The following GYG1 variants were observed in gnomAD, a reference collection of about 807,000 sequenced individuals.
GYG1 encodes the protein glycogenin-1.
Under a neutral mutation model 41.9 loss-of-function variants are expected in GYG1, and 44 were observed. That is an observed-to-expected ratio of 1.05 (90% CI 0.83 to 1.35). The LOEUF (loss-of-function observed/expected upper bound fraction) is 1.35. Ranked by LOEUF, GYG1 falls within the 40% of genes most tolerant of loss-of-function variation. GYG1 has a pLI of 0.00. For missense variants in GYG1, 429 were observed against 418.9 expected (o/e 1.02, Z -0.21); for synonymous variants, 141 against 158.1 (o/e 0.89, Z 0.81).
intron 2 of GYG1, among the ~76,000 whole-genome samples, chr3:148,994,979 C>G (rs1222210412): frequency 2.0e-5 from 3 of 152,130 alleles, no homozygotes; most frequent in African/African-American, 7.2e-5. Flanking sequence ...TCAAGAGTTC[C>G]AGACCAGCCT....
At chr3:149,007,485 G>A (rs768029574) in intron 4 of GYG1, among the ~76,000 whole-genome samples, 8 of 152,192 alleles carry the variant, frequency 5.3e-5, no homozygotes, top group Non-Finnish European at 1.2e-4. Context: ...ATAAGTGAAC[G>A]CCTTTGATTC....
chr3:149,012,649 GAAAC>G (rs752101106), intron 5 of GYG1, among the ~76,000 whole-genome samples: 19 of 151,700 alleles, frequency 1.3e-4, no homozygotes, highest in Non-Finnish European at 1.5e-4. Context: ...AAAGATAAAG[GAAAC>G]AAACTAATAG....
rs1713129430 is a variant in GYG1, at chr3:149,002,235, C to T, written c.481+5331C>T. Among the ~76,000 whole-genome samples, 3 of 152,138 alleles carry T rather than the reference C, an allele frequency of 2.0e-5. No homozygotes were observed. In the South Asian group the frequency reaches 6.2e-4, roughly 32 times the overall value. ...ACTGGTAAATAATACAGATTTTATT[C>T]CTGCCTCTATAAAGTTTATATTCTG... On this transcript the variant is annotated intron_variant, in intron 4 of 7. Coordinates refer to ENST00000345003, the MANE Select transcript of GYG1 (RefSeq NM_004130.4).
chr3:148,996,219 T>C, intron 2 of GYG1, 83 bp from the exon 3 acceptor site: 1 of 927,430 alleles, frequency 1.1e-6, no homozygotes, highest in Non-Finnish European at 1.8e-6. Context: ...ATGGAGAAGG[T>C]AATAAAGCAT....
chr3:149,029,799 G>C lies in GYG1; in HGVS notation c.*2866G>C, dbSNP rs1714856933. On this transcript the variant is annotated 3_prime_UTR_variant, in exon 8 of 8. Coordinates refer to ENST00000345003, the MANE Select transcript of GYG1 (RefSeq NM_004130.4). ...TCCAATTCTAGAGCTGTAATTTTAA[G>C]GACAAAATGTACAATGATTGATTAA... is the stretch of plus-strand genomic sequence containing the variant. 6.6e-6 allele frequency among the ~76,000 whole-genome samples: 1 copy of C among 152,150 alleles called. No individual in the cohort carries two copies. Among genetic ancestry groups the C allele is most frequent in the Non-Finnish European group, 1.5e-5 (1 of 68,022 alleles).
intron 2 of GYG1, among the ~76,000 whole-genome samples, 177 bp downstream of exon 2, chr3:148,994,454 G>A (rs901360842): frequency 1.5e-4 from 23 of 152,220 alleles, no homozygotes; most frequent in Non-Finnish European, 2.9e-4. Flanking sequence ...GCTTTTGGGA[G>A]ATATTCCAAC....
At chr3:148,996,589 A>G (rs1712805400) in intron 3 of GYG1, 113 bp downstream of exon 3, 18 of 1,210,204 alleles carry the variant, frequency 1.5e-5, no homozygotes, top group Non-Finnish European at 2.2e-5. Flanking sequence ...AGATAGAACC[A>G]CTGTCATGAA....
rs769363238 is a variant in GYG1 at position 149,009,283 on chromosome 3, C to T, written c.489C>T (p.Asp163=). 1 of 1,611,924 alleles carries T rather than the reference C, an allele frequency of 6.2e-7. No homozygotes were observed. Among genetic ancestry groups the T allele is most frequent in the South Asian group, 1.1e-5 (1 of 91,040 alleles). Residue 163 remains aspartate, a synonymous_variant, in exon 5 of 8, where the codon GAC becomes GAT. Transcript: ENST00000345003. ...TATATTTTTTTCTTTTAGGTGGGGA[C>T]CAAGGCATACTGAACACATTTTTTA... ...ASEQGSFDGG[D]QGILNTFFSS... is the part of the protein sequence containing the mutation.
intron 5 of GYG1, among the ~76,000 whole-genome samples, chr3:149,011,918 G>GT (rs763311573): frequency 2.0e-5 from 3 of 152,184 alleles, no homozygotes; most frequent in Non-Finnish European, 4.4e-5. Context: ...AGTGCAGCTT[G>GT]TGGGGGTCAG....
At chr3:149,019,952 C>T (rs1714278100) in intron 5 of GYG1, among the ~76,000 whole-genome samples, 1 of 152,198 alleles carries the variant, frequency 6.6e-6, no homozygotes, top group Admixed American at 6.5e-5. Flanking sequence ...TTCTTGCCTG[C>T]AGCAGAGGGC....
At chr3:149,024,930 TAAGAG>T (rs758041118) in intron 6 of GYG1, among the ~76,000 whole-genome samples, 4 of 152,220 alleles carry the variant, frequency 2.6e-5, no homozygotes, top group Non-Finnish European at 5.9e-5. Flanking sequence ...CAGATATAAA[TAAGAG>T]AACAGAATGG....
At chr3:149,000,726 A>G (rs1713047378) in intron 4 of GYG1, among the ~76,000 whole-genome samples, 2 of 152,254 alleles carry the variant, frequency 1.3e-5, no homozygotes, top group African/African-American at 4.8e-5. Context: ...CTTAAAAAAC[A>G]TCTTATACTC....
At chr3:148,999,979 G>T (rs1389787485) in intron 4 of GYG1, among the ~76,000 whole-genome samples, 3 of 152,198 alleles carry the variant, frequency 2.0e-5, no homozygotes, top group Non-Finnish European at 4.4e-5. Flanking sequence ...ATCAGAAACT[G>T]GTGGGGCCTG....
intron 5 of GYG1, among the ~76,000 whole-genome samples, chr3:149,012,828 G>A (rs576889310): frequency 1.6e-4 from 24 of 152,056 alleles, no homozygotes; most frequent in African/African-American, 5.5e-4. Context: ...AGTCATAAAT[G>A]CATTTTATTT....
rs71617496 is a variant in GYG1, at chr3:149,028,705, A to ATTTTTTTTTTTTT, written c.*1783_*1795dup. Among the ~76,000 whole-genome samples the ATTTTTTTTTTTTT allele has an allele frequency of 7.5e-6, 1 of 133,720 alleles. No individual in the cohort carries two copies. The allele number at this position is 133,720 out of a possible 152,430, so 87.7% of individuals were successfully genotyped here. A position where few individuals can be genotyped will look rare whatever the true frequency, so the allele number is the denominator to read the frequency against. Reference sequence around the variant, plus strand: ...GGTGGAAAAGCTGACATAGTTTTAAATTTTTTTTTTTTTTTTTTTTTTTCT... The same window carrying ATTTTTTTTTTTTT: ...GGTGGAAAAGCTGACATAGTTTTAAATTTTTTTTTTTTTTTTTTTTTTTTTTTTTTTTTTTTCT... On this transcript the variant is annotated 3_prime_UTR_variant, in exon 8 of 8. Transcript: ENST00000345003.
chr3:149,009,850 A>G (rs749089647), intron 5 of GYG1, among the ~76,000 whole-genome samples: 26 of 152,206 alleles, frequency 1.7e-4, no homozygotes, highest in Non-Finnish European at 3.5e-4. Context: ...TGCAGGCAGC[A>G]GTGTGCTGCT....
At chr3:149,019,725 A>T (rs545857483) in intron 5 of GYG1, among the ~76,000 whole-genome samples, 1 of 152,372 alleles carries the variant, frequency 6.6e-6, no homozygotes, top group South Asian at 2.1e-4. Flanking sequence ...TCATGAAGGT[A>T]GAGATCAGTG....
rs113264490 is a variant in GYG1 at position 148,991,568 on chromosome 3, C to T, written c.-73C>T. On this transcript the variant is annotated 5_prime_UTR_variant, in exon 1 of 8. Coordinates refer to ENST00000345003, the MANE Select transcript of GYG1 (RefSeq NM_004130.4). ...CCGCCGTGCCTCCTCGCTGGCCGCG[C>T]TCCCTCCCGGTGCCGGCTTCTCTGA... 1.6e-5 allele frequency: 25 copies of T among 1,531,320 alleles called. No homozygotes were observed. The highest frequency in any genetic ancestry group is 4.1e-4 in the Middle Eastern group (2 of 4,918). The allele number at this position is 1,531,320 out of a possible 1,614,324, so 94.9% of individuals were successfully genotyped here.
At chr3:149,017,764 C>T (rs1255615919) in intron 5 of GYG1, among the ~76,000 whole-genome samples, 2 of 148,928 alleles carry the variant, frequency 1.3e-5, no homozygotes, top group African/African-American at 5.0e-5. Flanking sequence ...CCGCCATGCC[C>T]AGCTAGTTTT....
Sources: gnomAD v4.1 joint callset for allele counts (sites outside exome capture counted in the v4.1 genomes callset) on GRCh38, gnomAD v4.1.1 for gene constraint, MANE v1.5 for transcripts, NCBI Gene and HGNC (gene_info 2026-07-23, HGNC 2026-07-21) for gene names.